The following TUSC3 variants were observed in gnomAD, a reference collection of about 807,000 sequenced individuals.
TUSC3 encodes the protein tumor suppressor candidate 3.
In TUSC3, 45 loss-of-function variants were observed where a neutral mutation model predicts 44.8. The ratio of observed to expected loss-of-function variants is 1.00; its 90% CI spans 0.79 to 1.29. The LOEUF (loss-of-function observed/expected upper bound fraction) is 1.29. Among genes scored for constraint, TUSC3 ranks in the 50% most tolerant of loss-of-function variants. The pLI is 0.00. For missense variants in TUSC3, 519 were observed against 437.9 expected (o/e 1.19, Z -1.65); for synonymous variants, 212 against 152.9 (o/e 1.39, Z -2.85).
intron 7 of TUSC3, among the ~76,000 whole-genome samples, chr8:15,736,626 A>T (rs1396684121): frequency 2.0e-5 from 3 of 152,204 alleles, no homozygotes; most frequent in Non-Finnish European, 2.9e-5. Context: ...ATGTAATTAC[A>T]AGTAGTGGTT....
the TUSC3 span, among the ~76,000 whole-genome samples, chr8:15,817,117 C>A: frequency 6.6e-6 from 1 of 152,188 alleles, no homozygotes; most frequent in Non-Finnish European, 1.5e-5. Flanking sequence ...TCAGTCACTG[C>A]AGACTACTCC....
At chr8:15,677,495 C>T (rs759518216) in intron 6 of TUSC3, among the ~76,000 whole-genome samples, 2 of 152,202 alleles carry the variant, frequency 1.3e-5, no homozygotes, top group Admixed American at 1.3e-4. Flanking sequence ...AACTCTGACT[C>T]TTACCAGGTC....
chr8:15,501,515 A>G (rs570425999), intron 2 of TUSC3, among the ~76,000 whole-genome samples: 1 of 152,320 alleles, frequency 6.6e-6, no homozygotes, highest in South Asian at 2.1e-4. Context: ...TGCATAGTAA[A>G]TGTTTATTGA....
chr8:15,493,806 A>G (rs1800842940), intron 2 of TUSC3, among the ~76,000 whole-genome samples: 1 of 152,234 alleles, frequency 6.6e-6, no homozygotes, highest in Admixed American at 6.5e-5. Context: ...ATGACCAAGT[A>G]GCCAATTATA....
intron 9 of TUSC3, among the ~76,000 whole-genome samples, chr8:15,749,563 G>C (rs1213845234): frequency 2.0e-5 from 3 of 151,946 alleles, no homozygotes; most frequent in African/African-American, 7.3e-5. Context: ...CCTGCCTGCA[G>C]TGTAAATTTT....
intron 2 of TUSC3, among the ~76,000 whole-genome samples, chr8:15,493,293 C>A (rs185178494): frequency 5.3e-4 from 81 of 152,176 alleles, no homozygotes; most frequent in Non-Finnish European, 4.0e-4. Flanking sequence ...CAGGGTCTCT[C>A]TCTGTTGCCC....
At chr8:15,657,723 AAAAC>A (rs906256713) in intron 3 of TUSC3, among the ~76,000 whole-genome samples, 16 of 152,136 alleles carry the variant, frequency 1.1e-4, no homozygotes, top group African/African-American at 3.6e-4. Context: ...ATCTGGTTCC[AAAAC>A]CATTTCACCT....
At chr8:15,643,972 C>A (rs1179806206) in intron 2 of TUSC3, among the ~76,000 whole-genome samples, 1 of 152,036 alleles carries the variant, frequency 6.6e-6, no homozygotes, top group East Asian at 1.9e-4. Context: ...TAAAGACATA[C>A]AATGGTATTT....
intron 1 of TUSC3, among the ~76,000 whole-genome samples, chr8:15,431,036 G>T (rs1585785516): frequency 6.6e-6 from 1 of 151,654 alleles, no homozygotes; most frequent in East Asian, 1.9e-4. Flanking sequence ...TACTCCACTG[G>T]TATATGTATC....
chr8:15,626,603 A>G (rs1805520779), intron 2 of TUSC3, among the ~76,000 whole-genome samples: 1 of 152,120 alleles, frequency 6.6e-6, no homozygotes, highest in Non-Finnish European at 1.5e-5. Flanking sequence ...CTGCACTCTC[A>G]GTGGCCCAGG....
chr8:15,571,109 A>G (rs1260192747), intron 1 of TUSC3, among the ~76,000 whole-genome samples: 2 of 151,664 alleles, frequency 1.3e-5, no homozygotes, highest in African/African-American at 4.8e-5. Flanking sequence ...GCCTGCCACC[A>G]CACCTGACTA....
chr8:15,546,642 C>T (rs1333883385), intron 1 of TUSC3, among the ~76,000 whole-genome samples: 4 of 151,500 alleles, frequency 2.6e-5, no homozygotes, highest in Non-Finnish European at 5.9e-5. Context: ...TTCAAGCAAT[C>T]CCCCTGCCTC....
intron 1 of TUSC3, among the ~76,000 whole-genome samples, chr8:15,603,589 C>T (rs905763405): frequency 6.6e-6 from 1 of 151,258 alleles, no homozygotes; most frequent in African/African-American, 2.4e-5. Flanking sequence ...ATCATTATTA[C>T]AATATAAAAA....
chr8:15,774,841 C>T, the TUSC3 span, among the ~76,000 whole-genome samples: 22 of 151,876 alleles, frequency 1.4e-4, no homozygotes, highest in Non-Finnish European at 3.1e-4. Flanking sequence ...AATGTTGGTG[C>T]AGATGTGAAG....
the TUSC3 span, among the ~76,000 whole-genome samples, chr8:15,800,522 G>A: frequency 6.6e-6 from 1 of 151,734 alleles, no homozygotes; most frequent in African/African-American, 2.4e-5. Flanking sequence ...GCAGTGAGCT[G>A]AGATCATGCC....
In TUSC3 at chr8:15,468,750, T is replaced by G. The variant is rs530855999; in HGVS notation, n.92-14636T>G. Reference sequence around the variant, plus strand: ...TCACAACAGATATGAAAACATTCTTTATATTAGAAGTGATGCTTTCAGGAG... The same window carrying G: ...TCACAACAGATATGAAAACATTCTTGATATTAGAAGTGATGCTTTCAGGAG... On this transcript the variant is annotated intron_variant and non_coding_transcript_variant, in intron 1 of 5. Transcript: ENST00000503191. 3.3e-5 allele frequency among the ~76,000 whole-genome samples: 5 copies of G among 152,298 alleles called. No individual in the cohort carries two copies. In the East Asian group the frequency reaches 7.7e-4, roughly 24 times the overall value.
chr8:15,714,377 G>A (rs1311699783), intron 6 of TUSC3, among the ~76,000 whole-genome samples: 1 of 151,932 alleles, frequency 6.6e-6, no homozygotes, highest in African/African-American at 2.4e-5. Context: ...ATAGAGGATT[G>A]AAAAAAATGA....
chr8:15,516,713 T>C (rs1321869859), intron 2 of TUSC3, among the ~76,000 whole-genome samples: 1 of 152,148 alleles, frequency 6.6e-6, no homozygotes, highest in East Asian at 1.9e-4. Context: ...GACAAATTAA[T>C]CCTATGAAAT....
At chr8:15,782,066 C>A in the TUSC3 span, among the ~76,000 whole-genome samples, 4 of 152,132 alleles carry the variant, frequency 2.6e-5, no homozygotes, top group Admixed American at 2.6e-4. Flanking sequence ...ACTCAGGAGG[C>A]AGAGGTGACA....
Sources: allele counts gnomAD v4.1 joint callset (sites outside exome capture counted in the v4.1 genomes callset), GRCh38; gene constraint gnomAD v4.1.1; transcripts MANE v1.5; gene names NCBI Gene and HGNC (gene_info 2026-07-23, HGNC 2026-07-21).